Variants in ZNF276 observed in about 807,000 individuals in gnomAD.
ZNF276 encodes the protein zinc finger protein 276, also known as centromere protein Z.
Under a neutral mutation model 63.9 loss-of-function variants are expected in ZNF276, and 59 were observed. The observed-to-expected ratio is 0.92, with a 90% CI of 0.75 to 1.15. The LOEUF is 1.15. Ranked by LOEUF, ZNF276 falls within the 50% of genes most tolerant of loss-of-function variation. The pLI, the probability that ZNF276 is intolerant of heterozygous loss-of-function variation, is 0.00. For synonymous variants in ZNF276, 496 were observed against 348.4 expected (o/e 1.42, Z -4.72); for missense variants, 1,084 against 843.8 (o/e 1.28, Z -3.53).
At chr16:89,735,774 G>A (rs895563179) in intron 9 of ZNF276, among the ~76,000 whole-genome samples, 1 of 152,114 alleles carries the variant, frequency 6.6e-6, no homozygotes, top group South Asian at 2.1e-4. Context: ...GAGTGCAGTG[G>A]CGCGATCTTG....
In ZNF276 at chr16:89,740,818, G is replaced by A. The variant is rs2062114648; in HGVS notation, c.*2572G>A. ...GTCTGACTTACATTTGAGGTCAGAT[G>A]TGACGACAGCAGGCCCATCAAGGAG... is the stretch of plus-strand genomic sequence containing the variant. On this transcript the variant is annotated 3_prime_UTR_variant, in exon 11 of 11. Transcript: ENST00000443381. The A allele has an allele frequency of 6.2e-7, 1 of 1,613,654 alleles. No individual in the cohort carries two copies. Among genetic ancestry groups the A allele is most frequent in the Non-Finnish European group, 8.5e-7 (1 of 1,179,754 alleles).
chr16:89,739,957 G>A lies in ZNF276; in HGVS notation c.*1711G>A, dbSNP rs1001611850. On this transcript the variant is annotated 3_prime_UTR_variant, in exon 11 of 11. Coordinates refer to ENST00000443381, the MANE Select transcript of ZNF276 (RefSeq NM_001113525.2). ...TTGCAAGATGCCTCTGAAAAGAGCG[G>A]CCCTCCGCATTTGTGCCTCAGCAGC... 3.1e-6 allele frequency: 5 copies of A among 1,611,750 alleles called. No individual in the cohort carries two copies. The highest frequency in any genetic ancestry group is 1.3e-5 in the African/African-American group (1 of 74,892).
intron 6 of ZNF276, 95 bp from the exon 7 acceptor site, chr16:89,733,207 G>A (rs2061733032): frequency 8.5e-7 from 1 of 1,180,048 alleles, no homozygotes; most frequent in Non-Finnish European, 1.2e-6. Flanking sequence ...ACTCAGGGAA[G>A]CTTCAGAAAA....
rs1174137642 is a variant in ZNF276, at chr16:89,738,255, G to A, written c.*9G>A. On this transcript the variant is annotated 3_prime_UTR_variant, in exon 11 of 11. Transcript: ENST00000443381. Reference sequence around the variant, plus strand: ...AGCCCGAACCCACCTGAGGACGGCAGTGAGGATGAGCACCTCTAGCAGCCT... The same window carrying A: ...AGCCCGAACCCACCTGAGGACGGCAATGAGGATGAGCACCTCTAGCAGCCT... 4 of 1,589,912 alleles carry A rather than the reference G, an allele frequency of 2.5e-6. No homozygotes were observed. In the Admixed American group the frequency reaches 5.3e-5, roughly 21 times the overall value.
At position 89,723,451 on chromosome 16, in the gene ZNF276, G is replaced by A. The variant is rs2061370514; in HGVS notation, c.748G>A (p.Ala250Thr). 1.2e-6 allele frequency: 2 copies of A among 1,613,052 alleles called. No individual in the cohort carries two copies. Among genetic ancestry groups the A allele is most frequent in the Admixed American group, 3.3e-5 (2 of 60,026 alleles). ...YTMDTSSSCK[A>T]FLLDSALAVK... is the part of the protein sequence containing the mutation. Reference sequence around the variant, plus strand: ...CATGGATACCAGCTCCAGCTGCAAGGCCTTCTTGCTGGACAGTGCGCTGGC... The same window carrying A: ...CATGGATACCAGCTCCAGCTGCAAGACCTTCTTGCTGGACAGTGCGCTGGC... Residue 250 changes from alanine (A) to threonine (T), a missense_variant, in exon 4 of 11, where the codon GCC becomes ACC. By Grantham distance (58) the Ala-to-Thr change is moderately conservative. Transcript: ENST00000443381.
Position 89,740,669 on chromosome 16 carries a change from G to GTTCT in ZNF276, c.*2424_*2427dup. 1 of 697,696 alleles carries GTTCT rather than the reference G, an allele frequency of 1.4e-6. No individual in the cohort carries two copies. The highest frequency in any genetic ancestry group is 2.5e-6 in the Non-Finnish European group (1 of 393,844). 43.2% of individuals were successfully genotyped at this position (697,696 alleles called of 1,614,324 possible). Reference sequence around the variant, plus strand: ...AAAAAAAAAAACCCACGGCCTGGGAGTTCTCACTCACACTTCCGCAAACAC... The same window carrying GTTCT: ...AAAAAAAAAAACCCACGGCCTGGGAGTTCTTTCTCACTCACACTTCCGCAAACAC... On this transcript the variant is annotated 3_prime_UTR_variant, in exon 11 of 11. Coordinates refer to ENST00000443381, the MANE Select transcript of ZNF276 (RefSeq NM_001113525.2).
At chr16:89,721,276 G>C (rs1196929994), upstream of ZNF276, 9 of 232,440 alleles carry the variant, frequency 3.9e-5, no homozygotes, top group Non-Finnish European at 7.5e-5. Flanking sequence ...CGTCTCCCAC[G>C]GTAAGAGGCG....
Position 89,740,562 on chromosome 16 carries a change from G to A in ZNF276, c.*2316G>A. The A allele has an allele frequency of 1.8e-6, 1 of 545,902 alleles. No homozygotes were observed. The highest frequency in any genetic ancestry group is 2.2e-5 in the South Asian group (1 of 46,098). The allele number at this position is 545,902 out of a possible 1,614,324, so 33.8% of individuals were successfully genotyped here. On this transcript the variant is annotated 3_prime_UTR_variant, in exon 11 of 11. Transcript: ENST00000443381. ...GATGCAGGAGAATTGCTTGAACCCA[G>A]GAGGCTGAGGTTGCAGTGAGCTGAG...
At chr16:89,722,388 G>A in intron 1 of ZNF276, 143 bp from the exon 2 acceptor site, 1 of 920,294 alleles carries the variant, frequency 1.1e-6, no homozygotes, top group South Asian at 1.7e-5. Flanking sequence ...GTCCCGCCGA[G>A]AGCCGCGCGC....
rs1386055678 is a variant in ZNF276 at position 89,738,115 on chromosome 16, C to G, written c.1714C>G (p.His572Asp). 1.9e-6 allele frequency: 3 copies of G among 1,613,804 alleles called. No individual in the cohort carries two copies. The highest frequency in any genetic ancestry group is 2.7e-5 in the African/African-American group (2 of 74,928). Reference sequence around the variant, plus strand: ...TGAGAAGGCCCACAACCTCAATGTACACATGTCCATGGTGCACCCGCTGAC... The same window carrying G: ...TGAGAAGGCCCACAACCTCAATGTAGACATGTCCATGGTGCACCCGCTGAC... ...RFEKAHNLNV[H>D]MSMVHPLTQT... Residue 572 changes from histidine (H) to aspartate (D), a missense_variant, in exon 11 of 11, where the codon CAC becomes GAC. Physicochemically the swap from His to Asp is moderately conservative, Grantham distance 81. Coordinates refer to ENST00000443381, the MANE Select transcript of ZNF276 (RefSeq NM_001113525.2).
At chr16:89,726,578 G>T (rs1033090502) in intron 4 of ZNF276, among the ~76,000 whole-genome samples, 1 of 152,130 alleles carries the variant, frequency 6.6e-6, no homozygotes, top group African/African-American at 2.4e-5. Context: ...TGATCCACCC[G>T]CGTCAGCCTC....
Position 89,733,543 on chromosome 16 carries a change from G to A in ZNF276, c.1342G>A (p.Ala448Thr), listed in dbSNP as rs576654600. 6.8e-6 allele frequency: 11 copies of A among 1,614,080 alleles called. No homozygotes were observed. Among genetic ancestry groups the A allele is most frequent in the Middle Eastern group, 1.7e-4 (1 of 5,996 alleles). ...GGGCTGCACGGCCGTGTACCGAGGC[G>A]CTGACGGCATGAAGGTGAGCACTGG... The part of the protein sequence containing the change: ...YQGCTAVYRG[A>T]DGMKKHIKEH... Residue 448 changes from alanine (A) to threonine (T), a missense_variant, in exon 8 of 11, where the codon GCT becomes ACT. Coordinates refer to ENST00000443381, the MANE Select transcript of ZNF276 (RefSeq NM_001113525.2).
chr16:89,721,480 C>T (rs982572214), upstream of ZNF276: 2 of 653,166 alleles, frequency 3.1e-6, no homozygotes, highest in South Asian at 5.4e-5. Flanking sequence ...GGGTCCCGCC[C>T]CTGGCCCCTG....
intron 4 of ZNF276, among the ~76,000 whole-genome samples, chr16:89,726,846 A>ACGTTGG (rs201146843): frequency 0.027 from 4,082 of 151,786 alleles, 198 homozygotes; most frequent in African/African-American, 0.094. Flanking sequence ...GGGTTTCACC[A>ACGTTGG]CGTTGGCCAG....
chr16:89,728,648 C>T (rs367789218), intron 5 of ZNF276, among the ~76,000 whole-genome samples: 9 of 152,116 alleles, frequency 5.9e-5, no homozygotes, highest in South Asian at 2.1e-4. Flanking sequence ...GTGATCCGCC[C>T]GCCTCTGCCT....
At position 89,740,156 on chromosome 16, in the gene ZNF276, G is replaced by A; in HGVS notation, c.*1910G>A. On this transcript the variant is annotated 3_prime_UTR_variant, in exon 11 of 11. Transcript: ENST00000443381. ...GGCCGACCTGGTGCTCCCATGGGTA[G>A]GAGGGTACAGCCCTCAGCACAGAAG... The A allele has an allele frequency of 1.5e-6, 2 of 1,347,900 alleles. No homozygotes were observed. Among genetic ancestry groups the A allele is most frequent in the Non-Finnish European group, 2.1e-6 (2 of 938,378 alleles). The allele number at this position is 1,347,900 out of a possible 1,614,324, so 83.5% of individuals were successfully genotyped here. A position where few individuals can be genotyped will look rare whatever the true frequency, so the allele number is the denominator to read the frequency against.
In ZNF276 at chr16:89,740,880, C is replaced by G. The variant is rs34476949; in HGVS notation, c.*2634C>G. ...GAAAACCAATAGCTGTAAATAAAAACGTGCACTTATTATTACATTAAAATT... is the reference window on the plus strand; with the variant it reads ...GAAAACCAATAGCTGTAAATAAAAAGGTGCACTTATTATTACATTAAAATT... On this transcript the variant is annotated 3_prime_UTR_variant, in exon 11 of 11. Transcript: ENST00000443381. 1.2e-6 allele frequency: 2 copies of G among 1,605,854 alleles called. No individual in the cohort carries two copies. Among genetic ancestry groups the G allele is most frequent in the Admixed American group, 3.4e-5 (2 of 59,480 alleles).
upstream of ZNF276, chr16:89,721,509 G>C (rs2061271336): frequency 1.2e-6 from 1 of 838,486 alleles, no homozygotes; most frequent in Non-Finnish European, 1.7e-6. Flanking sequence ...CGCCCGCCTC[G>C]CTTTGCTTCT....
At chr16:89,734,920 A>G (rs978989271) in intron 9 of ZNF276, among the ~76,000 whole-genome samples, 1 of 152,150 alleles carries the variant, frequency 6.6e-6, no homozygotes, top group East Asian at 1.9e-4. Flanking sequence ...GCACTTTGGG[A>G]GGCTGAGGTG....
Sources: allele counts gnomAD v4.1 joint callset (sites outside exome capture counted in the v4.1 genomes callset), GRCh38; gene constraint gnomAD v4.1.1; transcripts MANE v1.5; gene names NCBI Gene and HGNC (gene_info 2026-07-23, HGNC 2026-07-21).